SEMA6D: variants seen among roughly 807,000 people sequenced by gnomAD.
The protein encoded by SEMA6D is semaphorin-6D.
Under a neutral mutation model 106.6 loss-of-function variants are expected in SEMA6D, and 35 were observed. The observed-to-expected ratio is 0.33, with a 90% CI of 0.25 to 0.44. The LOEUF is 0.44. Among genes scored for constraint, SEMA6D ranks in the 20% least tolerant of loss-of-function variants. The pLI, the probability that SEMA6D is intolerant of heterozygous loss-of-function variation, is 1.00. For missense variants in SEMA6D, 1,185 were observed against 1,345.9 expected (o/e 0.88, Z 1.87); for synonymous variants, 499 against 487.7 (o/e 1.02, Z -0.31).
At chr15:47,615,520 A>G (rs2076991234) in intron 4 of SEMA6D, among the ~76,000 whole-genome samples, 1 of 152,220 alleles carries the variant, frequency 6.6e-6, no homozygotes, top group South Asian at 2.1e-4. Flanking sequence ...TTTTTTTACG[A>G]AACTGTCTTC....
At chr15:47,359,390 T>G (rs190605374) in intron 1 of SEMA6D, 1 of 152,298 alleles carries the variant, frequency 6.6e-6, no homozygotes, top group East Asian at 1.9e-4. Flanking sequence ...GATTAATGAC[T>G]TAATAAGTGT....
At chr15:47,733,719 CT>C (rs1391572940) in intron 1 of SEMA6D, among the ~76,000 whole-genome samples, 1 of 152,172 alleles carries the variant, frequency 6.6e-6, no homozygotes, top group African/African-American at 2.4e-5. Flanking sequence ...GTTACTAGGT[CT>C]TCAGGAGGAC....
chr15:47,610,428 A>T (rs917100479), intron 4 of SEMA6D, among the ~76,000 whole-genome samples: 2 of 152,134 alleles, frequency 1.3e-5, no homozygotes, highest in African/African-American at 4.8e-5. Flanking sequence ...ACATCTCCTC[A>T]TCCTCAAGAA....
chr15:47,451,800 G>GA (rs2042201012), intron 2 of SEMA6D, among the ~76,000 whole-genome samples: 3 of 152,010 alleles, frequency 2.0e-5, no homozygotes, highest in African/African-American at 7.2e-5. Context: ...AGTGGGAGAA[G>GA]AGATTGACTG....
At chr15:47,586,897 T>TTTG (rs2076351005) in intron 3 of SEMA6D, among the ~76,000 whole-genome samples, 1 of 150,870 alleles carries the variant, frequency 6.6e-6, no homozygotes, top group Non-Finnish European at 1.5e-5. Flanking sequence ...GGTTTTTTTT[T>TTTG]TTTTTTTTTT....
chr15:47,574,440 T>C (rs1232622740), intron 3 of SEMA6D, among the ~76,000 whole-genome samples: 1 of 152,206 alleles, frequency 6.6e-6, no homozygotes, highest in African/African-American at 2.4e-5. Flanking sequence ...AGCATTGATA[T>C]AAAATTCTAT....
intron 4 of SEMA6D, among the ~76,000 whole-genome samples, chr15:47,616,962 T>C (rs1330062993): frequency 3.9e-5 from 6 of 152,170 alleles, no homozygotes; most frequent in African/African-American, 1.4e-4. Flanking sequence ...TGGGCATACA[T>C]GCTTTTTTAC....
At chr15:47,687,298 C>T (rs1396827230) in intron 4 of SEMA6D, among the ~76,000 whole-genome samples, 1 of 152,030 alleles carries the variant, frequency 6.6e-6, no homozygotes, top group Non-Finnish European at 1.5e-5. Flanking sequence ...GCCCTTGAAG[C>T]ACTTAGAATG....
At chr15:47,224,860 A>G (rs553477444) in intron 1 of SEMA6D, among the ~76,000 whole-genome samples, 4 of 151,862 alleles carry the variant, frequency 2.6e-5, no homozygotes, top group South Asian at 2.1e-4. Flanking sequence ...TACCTTCCCT[A>G]ACTTCTACTT....
At chr15:47,490,007 C>T (rs2043421683) in intron 3 of SEMA6D, among the ~76,000 whole-genome samples, 1 of 152,122 alleles carries the variant, frequency 6.6e-6, no homozygotes, top group Admixed American at 6.6e-5. Flanking sequence ...ATGTTAATAA[C>T]ATTTCTTTCT....
chr15:47,562,355 GA>G (rs1277433324), intron 3 of SEMA6D, among the ~76,000 whole-genome samples: 1 of 151,970 alleles, frequency 6.6e-6, no homozygotes, highest in Admixed American at 6.6e-5. Flanking sequence ...AATTCTAGGA[GA>G]AAACTTATGA....
intron 1 of SEMA6D, among the ~76,000 whole-genome samples, chr15:47,409,699 C>T (rs1282245134): frequency 6.6e-6 from 1 of 152,014 alleles, no homozygotes; most frequent in Non-Finnish European, 1.5e-5. Context: ...TTGTCAAAAG[C>T]CACCAAACCA....
intron 2 of SEMA6D, among the ~76,000 whole-genome samples, chr15:47,464,000 A>G (rs2042588573): frequency 1.3e-5 from 2 of 152,228 alleles, no homozygotes; most frequent in South Asian, 2.1e-4. Flanking sequence ...ATAAGGATAC[A>G]TACACATGAT....
chr15:47,254,600 C>G (rs2033698353), intron 1 of SEMA6D, among the ~76,000 whole-genome samples: 1 of 151,742 alleles, frequency 6.6e-6, no homozygotes, highest in Non-Finnish European at 1.5e-5. Context: ...CCCTCTGTAC[C>G]TAATTTGTTG....
At chr15:47,479,865 C>CTTTTTTTT (rs887943372) in intron 3 of SEMA6D, among the ~76,000 whole-genome samples, 1 of 126,188 alleles carries the variant, frequency 7.9e-6, no homozygotes, top group African/African-American at 3.2e-5. Flanking sequence ...TCTTATCATT[C>CTTTTTTTT]TTTTTTTTTT....
intron 3 of SEMA6D, among the ~76,000 whole-genome samples, chr15:47,500,938 G>A (rs2043826877): frequency 1.3e-5 from 2 of 152,030 alleles, no homozygotes; most frequent in South Asian, 2.1e-4. Context: ...CATATGCCTC[G>A]GTTTCTTCAC....
At chr15:47,650,610 C>T (rs953783783) in intron 4 of SEMA6D, among the ~76,000 whole-genome samples, 4 of 152,138 alleles carry the variant, frequency 2.6e-5, no homozygotes, top group East Asian at 1.9e-4. Flanking sequence ...TCAAATCTCA[C>T]GTTTATTAAC....
chr15:47,688,854 A>G (rs2078526094), intron 4 of SEMA6D, among the ~76,000 whole-genome samples: 1 of 152,078 alleles, frequency 6.6e-6, no homozygotes, highest in South Asian at 2.1e-4. Context: ...AGTTATGTAA[A>G]TTTTTCACAA....
At chr15:47,310,818 A>G (rs1362117560) in intron 1 of SEMA6D, among the ~76,000 whole-genome samples, 1 of 152,232 alleles carries the variant, frequency 6.6e-6, no homozygotes, top group Non-Finnish European at 1.5e-5. Context: ...GAAATATCTG[A>G]GTATTATCTG....
Sources: allele counts gnomAD v4.1 joint callset (sites outside exome capture counted in the v4.1 genomes callset), GRCh38; gene constraint gnomAD v4.1.1; transcripts MANE v1.5; gene names NCBI Gene and HGNC (gene_info 2026-07-23, HGNC 2026-07-21).